Variants in CNTROB observed in about 807,000 individuals in gnomAD.
The protein encoded by CNTROB is centrobin, centriole duplication and spindle assembly protein, also known as centrobin.
Under a neutral mutation model 115.7 loss-of-function variants are expected in CNTROB, and 82 were observed. The ratio of observed to expected loss-of-function variants is 0.71; its 90% CI spans 0.59 to 0.85. The LOEUF is 0.85. Ranked by LOEUF, CNTROB falls within the 40% of genes least tolerant of loss-of-function variation. The pLI, the probability that CNTROB is intolerant of heterozygous loss-of-function variation, is 0.00. For synonymous variants in CNTROB, 439 were observed against 456.4 expected (o/e 0.96, Z 0.49); for missense variants, 1,014 against 1,144.4 (o/e 0.89, Z 1.64).
intron 4 of CNTROB, among the ~76,000 whole-genome samples, 184 bp downstream of exon 4, chr17:7,935,329 C>T (rs1309722966): frequency 6.6e-6 from 1 of 151,940 alleles, no homozygotes; most frequent in African/African-American, 2.4e-5. Context: ...CGGTGAAACC[C>T]GTCTCTACTA....
intron 18 of CNTROB, 98 bp from the exon 19 acceptor site, chr17:7,949,287 A>G: frequency 3.8e-6 from 6 of 1,588,184 alleles, no homozygotes; most frequent in Non-Finnish European, 5.2e-6. Flanking sequence ...TCCTCCCTGC[A>G]GACTCATCTG....
chr17:7,945,996 G>A lies in CNTROB; in HGVS notation c.1993+10G>A. ...CTCACTTCATCCACAGGTAACTGGG[G>A]GCAGAAGTCACTGGGGTTCCCCTTC... On this transcript the variant is annotated intron_variant, in intron 13 of 18. Coordinates refer to ENST00000563694, the MANE Select transcript of CNTROB (RefSeq NM_053051.5). 6.2e-7 allele frequency: 1 copy of A among 1,612,858 alleles called. No individual in the cohort carries two copies. Among genetic ancestry groups the A allele is most frequent in the East Asian group, 2.2e-5 (1 of 44,866 alleles).
chr17:7,938,004 T>G (rs1482194662), intron 7 of CNTROB, among the ~76,000 whole-genome samples: 1 of 143,466 alleles, frequency 7.0e-6, no homozygotes, highest in Non-Finnish European at 1.5e-5. Context: ...TTTTCGTGTT[T>G]TTTTTTTTTT....
chr17:7,943,316 T>G lies in CNTROB; in HGVS notation c.1312-75T>G. On this transcript the variant is annotated intron_variant, in intron 9 of 18. Transcript: ENST00000563694. This position sits in a 1 kb window ranked among gnomAD's most constrained non-coding sequence, Gnocchi z 4.7. The stretch of plus-strand genomic sequence containing the variant: ...TGAGGGGAAAGTTGGTACTGGATTT[T>G]GTCTACATTATATCCTCCATCCTCT... 1.8e-6 allele frequency: 2 copies of G among 1,131,918 alleles called. No individual in the cohort carries two copies. The highest frequency in any genetic ancestry group is 3.3e-5 in the South Asian group (2 of 61,140). 70.1% of individuals were successfully genotyped at this position (1,131,918 alleles called of 1,614,324 possible).
At chr17:7,949,260 T>C in intron 18 of CNTROB, 103 bp downstream of exon 18, 1 of 1,569,778 alleles carries the variant, frequency 6.4e-7, no homozygotes, top group African/African-American at 1.3e-5. Context: ...CACCCCTGCA[T>C]TCTGTAGCAT....
chr17:7,948,268 C>T lies in CNTROB; in HGVS notation c.2321C>T (p.Pro774Leu). ...LAMASSLFRV[P>L]EPPSSHSQGS... Reference sequence around the variant, plus strand: ...ATGGCATCCAGTCTTTTCCGGGTCCCTGAGCCTCCCTCCTCCCATTCACAA... The same window carrying T: ...ATGGCATCCAGTCTTTTCCGGGTCCTTGAGCCTCCCTCCTCCCATTCACAA... Residue 774 changes from proline (P) to leucine (L), a missense_variant, in exon 16 of 19, where the codon CCT becomes CTT. Pro to Leu is a moderately conservative substitution (Grantham distance 98). Coordinates refer to ENST00000563694, the MANE Select transcript of CNTROB (RefSeq NM_053051.5). The surrounding 1 kb of genome is among the most constrained non-coding windows in gnomAD (Gnocchi z 4.4). 3.1e-6 allele frequency: 5 copies of T among 1,614,156 alleles called. No individual in the cohort carries two copies. The highest frequency in any genetic ancestry group is 4.2e-6 in the Non-Finnish European group (5 of 1,180,030).
rs772186908 is a variant in CNTROB at position 7,944,631 on chromosome 17, A to G, written c.1727A>G (p.Asn576Ser). The G allele has an allele frequency of 1.4e-5, 22 of 1,607,104 alleles. No individual in the cohort carries two copies. Among genetic ancestry groups the G allele is most frequent in the East Asian group, 9.0e-5 (4 of 44,678 alleles). ...CTCAGCACCACTCTCCCGCCGCCCA[A>G]CCCTCCAGTACGCCTTACCCCTTGA... ...QLLSTTLPPP[N>S]PPAPPAGPSS... The change falls in exon 12 of 19, where the codon AAC becomes AGC. Residue 576 changes from asparagine (N) to serine (S), a missense_variant. Coordinates refer to ENST00000563694, the MANE Select transcript of CNTROB (RefSeq NM_053051.5). The surrounding 1 kb of genome is among the most constrained non-coding windows in gnomAD (Gnocchi z 4.0).
rs1555630929 is a variant in CNTROB, at chr17:7,949,490, C to T, written c.2692C>T (p.Arg898Trp). The stretch of plus-strand genomic sequence containing the variant: ...CCCTGCCCCGAGTAGCATGAGGAGC[C>T]GGGGGGGAGTCTGGAGATGAGCCCC... ...GHPAPSSMRS[R>W]GGVWR Residue 898 changes from arginine to tryptophan, a missense_variant, in exon 19 of 19, where the codon CGG becomes TGG. Coordinates refer to ENST00000563694, the MANE Select transcript of CNTROB (RefSeq NM_053051.5). 9.3e-6 allele frequency: 15 copies of T among 1,613,108 alleles called. No homozygotes were observed. Among genetic ancestry groups the T allele is most frequent in the South Asian group, 4.4e-5 (4 of 90,984 alleles).
chr17:7,942,048 C>T (rs1444717070), intron 9 of CNTROB, among the ~76,000 whole-genome samples: 2 of 151,708 alleles, frequency 1.3e-5, no homozygotes, highest in East Asian at 3.9e-4. Flanking sequence ...GGGAGGATTG[C>T]TTGAGTCCAA....
rs1432307892 is a variant in CNTROB at position 7,935,079 on chromosome 17, T to G, written c.528T>G (p.Pro176=). ...FPRYTSLRPG[P]PLNPPDFQGL... is the part of the protein sequence containing the mutation. ...GCTACACCAGCCTTCGGCCAGGGCC[T>G]CCACTCAATCCCCCAGATTTTCAGG... The change falls in exon 4 of 19, where the codon CCT becomes CCG. Residue 176 remains proline, a synonymous_variant. Coordinates refer to ENST00000563694, the MANE Select transcript of CNTROB (RefSeq NM_053051.5). 5 of 1,614,026 alleles carry G rather than the reference T, an allele frequency of 3.1e-6. No individual in the cohort carries two copies. The African/African-American group carries it at 6.7e-5, about 22-fold the overall frequency.
Position 7,933,351 on chromosome 17 carries a change from T to C in CNTROB, c.270+2T>C, listed in dbSNP as rs1165310411. On this transcript the variant is annotated splice_donor_variant, in intron 1 of 18. Transcript: ENST00000563694. LOFTEE classifies it high-confidence loss of function. ...TTGGAAAAGAACTTGAAGAAAAAGG[T>C]GAGGGAAGTGTGTCTTGGAGACCAC... is the stretch of plus-strand genomic sequence containing the variant. 2 of 1,610,564 alleles carry C rather than the reference T, an allele frequency of 1.2e-6. No individual in the cohort carries two copies. Among genetic ancestry groups the C allele is most frequent in the East Asian group, 4.5e-5 (2 of 44,826 alleles).
At position 7,943,706 on chromosome 17, in the gene CNTROB, C is replaced by A; in HGVS notation, c.1445+182C>A. On this transcript the variant is annotated intron_variant, in intron 10 of 18. Transcript: ENST00000563694. The surrounding 1 kb of genome is among the most constrained non-coding windows in gnomAD (Gnocchi z 4.7). ...GCTGCCTTCACGCGTTCATGGAGAG[C>A]CAGAAGTGCCTGGGAATTTTCATCC... is the stretch of plus-strand genomic sequence containing the variant. 1 of 624,528 alleles carries A rather than the reference C, an allele frequency of 1.6e-6. No homozygotes were observed. The highest frequency in any genetic ancestry group is 2.7e-6 in the Non-Finnish European group (1 of 370,516). 38.7% of individuals were successfully genotyped at this position (624,528 alleles called of 1,614,324 possible).
rs1973647823 is a variant in CNTROB at position 7,939,895 on chromosome 17, T to A, written c.1164+146T>A. ...CATGTGTGGGAGACAAGGTTGAGAG[T>A]ATAGGGCCAGCAGGAAGGGCTGGGG... On this transcript the variant is annotated intron_variant, in intron 8 of 18. Transcript: ENST00000563694. This position sits in a 1 kb window ranked among gnomAD's most constrained non-coding sequence, Gnocchi z 4.4. 1.9e-6 allele frequency: 2 copies of A among 1,032,492 alleles called. No homozygotes were observed. The highest frequency in any genetic ancestry group is 2.9e-6 in the Non-Finnish European group (2 of 701,270). The allele number at this position is 1,032,492 out of a possible 1,614,324, so 64.0% of individuals were successfully genotyped here.
chr17:7,937,395 A>T, intron 7 of CNTROB, 133 bp downstream of exon 7: 1 of 1,025,962 alleles, frequency 9.7e-7, no homozygotes, highest in Non-Finnish European at 1.4e-6. Flanking sequence ...TGTGTTCCTT[A>T]GAACACTAAT....
chr17:7,940,326 ACT>A, intron 9 of CNTROB, 84 bp downstream of exon 9: 1 of 1,313,716 alleles, frequency 7.6e-7, no homozygotes. Context: ...TGTGGCAGAC[ACT>A]CCCAGTTCAG....
In CNTROB at chr17:7,943,690, A is replaced by G. The variant is rs1974183580; in HGVS notation, c.1445+166A>G. The G allele has an allele frequency of 1.4e-6, 1 of 709,370 alleles. No homozygotes were observed. Among genetic ancestry groups the G allele is most frequent in the Admixed American group, 3.1e-5 (1 of 32,576 alleles). The allele number at this position is 709,370 out of a possible 1,614,324, so 43.9% of individuals were successfully genotyped here. On this transcript the variant is annotated intron_variant, in intron 10 of 18. Coordinates refer to ENST00000563694, the MANE Select transcript of CNTROB (RefSeq NM_053051.5). This position sits in a 1 kb window ranked among gnomAD's most constrained non-coding sequence, Gnocchi z 4.7. Reference sequence around the variant, plus strand: ...AGTCTCTCTCGGGAGGGCTGCCTTCACGCGTTCATGGAGAGCCAGAAGTGC... The same window carrying G: ...AGTCTCTCTCGGGAGGGCTGCCTTCGCGCGTTCATGGAGAGCCAGAAGTGC...
chr17:7,940,349 T>C (rs1973715991), intron 9 of CNTROB, 107 bp downstream of exon 9: 1 of 1,047,508 alleles, frequency 9.5e-7, no homozygotes, highest in South Asian at 1.8e-5. Context: ...GTGTTTGGGG[T>C]TTAATTCCAT....
chr17:7,933,706 T>C (rs1360883986), intron 1 of CNTROB, among the ~76,000 whole-genome samples: 1 of 152,204 alleles, frequency 6.6e-6, no homozygotes, highest in African/African-American at 2.4e-5. Flanking sequence ...TCCTTCCAGC[T>C]CAACACTATG....
Position 7,939,744 on chromosome 17 carries a change from G to A in CNTROB, c.1159G>A (p.Glu387Lys). ...QEESQAQLER[E>K]KEKSQREAQA... is the part of the protein sequence containing the mutation. ...GGAGAGCCAGGCTCAGCTGGAAAGG[G>A]AGAAGGTAAAAGTGGCAGTTGGAAG... Residue 387 changes from glutamate (E) to lysine (K), a missense_variant, in exon 8 of 19, where the codon GAG (glutamate) becomes AAG (lysine). Physicochemically the swap from Glu to Lys is moderately conservative, Grantham distance 56. Coordinates refer to ENST00000563694, the MANE Select transcript of CNTROB (RefSeq NM_053051.5). This position sits in a 1 kb window ranked among gnomAD's most constrained non-coding sequence, Gnocchi z 4.4. 1 of 1,613,936 alleles carries A rather than the reference G, an allele frequency of 6.2e-7. No homozygotes were observed.
Sources: allele counts gnomAD v4.1 joint callset (sites outside exome capture counted in the v4.1 genomes callset), GRCh38; gene constraint gnomAD v4.1.1; non-coding constraint Gnocchi (gnomAD v3.1); transcripts MANE v1.5; gene names NCBI Gene and HGNC (gene_info 2026-07-23, HGNC 2026-07-21).